Variants in RTF2 observed in about 807,000 individuals in gnomAD.
The protein encoded by RTF2 is UPF0549 protein C20orf43.
In RTF2, 18 loss-of-function variants were observed where a neutral mutation model predicts 38.0. The ratio of observed to expected loss-of-function variants is 0.47; its 90% confidence interval spans 0.33 to 0.70. The LOEUF (loss-of-function observed/expected upper bound fraction) is 0.70. Ranked by LOEUF, RTF2 falls within the 30% of genes least tolerant of loss-of-function variation. The pLI is 0.02. For missense variants in RTF2, 311 were observed against 379.6 expected, an observed-to-expected ratio of 0.82 and a Z score of 1.50; for synonymous variants, 126 against 137.1, an observed-to-expected ratio of 0.92 and a Z score of 0.57.
In RTF2 at chr20:56,518,441, AG is replaced by A. The variant is rs529883637; in HGVS notation, c.*182del. On this transcript the variant is annotated 3_prime_UTR_variant, in exon 9 of 9. Transcript: ENST00000357348. The stretch of plus-strand genomic sequence containing the variant: ...TCTTGATGTGAGGCGTGTCGGTTCC[AG>A]GGGGGACATGGGAGGGGCTGCACAG... The A allele has an allele frequency of 3.5e-4, 209 of 592,804 alleles. No homozygotes were observed. In the South Asian group the frequency reaches 5.1e-3, roughly 15 times the overall value. 36.7% of individuals were successfully genotyped at this position (592,804 alleles called of 1,614,324 possible). A position where few individuals can be genotyped will look rare whatever the true frequency, so the allele number is the denominator to read the frequency against.
chr20:56,494,175 C>G (rs1456542940), intron 5 of RTF2, among the ~76,000 whole-genome samples: 1 of 152,216 alleles, frequency 6.6e-6, no homozygotes, highest in African/African-American at 2.4e-5. Flanking sequence ...GAATGCTGGC[C>G]ATGGATGGCC....
chr20:56,485,779 C>T (rs1982766039), intron 5 of RTF2, among the ~76,000 whole-genome samples: 1 of 152,142 alleles, frequency 6.6e-6, no homozygotes, highest in African/African-American at 2.4e-5. Flanking sequence ...GGCATAGATT[C>T]CAAGGGAAAA....
intron 2 of RTF2, among the ~76,000 whole-genome samples, chr20:56,474,082 T>A (rs1982110591): frequency 6.6e-6 from 1 of 152,092 alleles, no homozygotes; most frequent in Non-Finnish European, 1.5e-5. Flanking sequence ...TTAATTTTTT[T>A]AAAAAAAGAA....
chr20:56,479,080 T>C (rs1982397083), intron 4 of RTF2, among the ~76,000 whole-genome samples: 1 of 152,190 alleles, frequency 6.6e-6, no homozygotes, highest in East Asian at 1.9e-4. Flanking sequence ...CTCTTGCCAT[T>C]CTACCACATT....
chr20:56,486,862 G>A (rs771853181), intron 5 of RTF2, among the ~76,000 whole-genome samples: 1 of 152,064 alleles, frequency 6.6e-6, no homozygotes, highest in South Asian at 2.1e-4. Context: ...AGAAGCAGCC[G>A]GGCAGCCATA....
chr20:56,499,081 C>T (rs990197152), intron 5 of RTF2, among the ~76,000 whole-genome samples: 4 of 152,086 alleles, frequency 2.6e-5, no homozygotes, highest in African/African-American at 7.2e-5. Flanking sequence ...CAGCCACTGC[C>T]GAGGTATGTC....
intron 5 of RTF2, among the ~76,000 whole-genome samples, chr20:56,484,609 C>T (rs1982691012): frequency 6.6e-6 from 1 of 152,216 alleles, no homozygotes; most frequent in South Asian, 2.1e-4. Context: ...CCCCACCGGA[C>T]TTAGTTTTTG....
chr20:56,487,138 G>A (rs1982838391), intron 5 of RTF2, among the ~76,000 whole-genome samples: 1 of 152,152 alleles, frequency 6.6e-6, no homozygotes, highest in Non-Finnish European at 1.5e-5. Flanking sequence ...GTGCACAGTT[G>A]TCCTTTGCGT....
chr20:56,499,029 C>T (rs763291891), intron 5 of RTF2, among the ~76,000 whole-genome samples: 1 of 152,088 alleles, frequency 6.6e-6, no homozygotes, highest in South Asian at 2.1e-4. Context: ...TTATTTTCAT[C>T]GTACAGTTTA....
intron 8 of RTF2, 130 bp downstream of exon 8, chr20:56,517,331 A>T: frequency 2.8e-6 from 2 of 704,730 alleles, no homozygotes; most frequent in Non-Finnish European, 4.9e-6. Flanking sequence ...TAGAGAGTGC[A>T]CTGAACTCTC....
In RTF2 at chr20:56,473,369, A is replaced by G. The variant is rs2146314398; in HGVS notation, c.138A>G (p.Arg46=). ...CTCTAAGTCAGGAAATATTAAGACG[A>G]CCAATAGTTGCCTGTGAACTTGGCA... ...YCTLSQEILR[R]PIVACELGRL... The change falls in exon 2 of 9, where the codon CGA becomes CGG. Residue 46 remains arginine, a synonymous_variant. Coordinates refer to ENST00000357348, the MANE Select transcript of RTF2 (RefSeq NM_016407.5). 2 of 1,613,336 alleles carry G rather than the reference A, an allele frequency of 1.2e-6. No homozygotes were observed. The highest frequency in any genetic ancestry group is 1.7e-6 in the Non-Finnish European group (2 of 1,179,328).
intron 1 of RTF2, chr20:56,471,788 A>T (rs1981985505): frequency 6.6e-6 from 1 of 152,224 alleles, no homozygotes; most frequent in Non-Finnish European, 1.5e-5. Flanking sequence ...AATATAACCT[A>T]ATCTCTTGGT....
At position 56,517,150 on chromosome 20, in the gene RTF2, G is replaced by T; in HGVS notation, c.691G>T (p.Ala231Ser). Reference sequence around the variant, plus strand: ...AGTTAAGACAGGGAAGCCTGAAGAAGCCAGCCTTGATTCTAGAGAGAAGAA... The same window carrying T: ...AGTTAAGACAGGGAAGCCTGAAGAATCCAGCCTTGATTCTAGAGAGAAGAA... The part of the protein sequence containing the change: ...SKVKTGKPEE[A>S]SLDSREKKTN... Residue 231 changes from alanine (A) to serine (S), a missense_variant, in exon 8 of 9, where the codon GCC becomes TCC. Ala to Ser is a moderately conservative substitution (Grantham distance 99). Coordinates refer to ENST00000357348, the MANE Select transcript of RTF2 (RefSeq NM_016407.5). 2.5e-6 allele frequency: 4 copies of T among 1,614,178 alleles called. No individual in the cohort carries two copies. The highest frequency in any genetic ancestry group is 3.4e-6 in the Non-Finnish European group (4 of 1,180,032).
At chr20:56,492,938 G>T (rs2146339390) in intron 5 of RTF2, among the ~76,000 whole-genome samples, 1 of 152,246 alleles carries the variant, frequency 6.6e-6, no homozygotes, top group South Asian at 2.1e-4. Flanking sequence ...AGCACTTTGG[G>T]AGGCCGAGGC....
At chr20:56,484,838 G>A (rs554392515) in intron 5 of RTF2, among the ~76,000 whole-genome samples, 25 of 152,268 alleles carry the variant, frequency 1.6e-4, no homozygotes, top group Admixed American at 1.1e-3. Context: ...CTGGCCCATC[G>A]AAAGCGTGCT....
chr20:56,491,659 C>CT (rs1568699165), intron 5 of RTF2: 4 of 1,552,154 alleles, frequency 2.6e-6, no homozygotes, highest in Non-Finnish European at 8.7e-7. Flanking sequence ...TGTGCCGCCG[C>CT]TCTAAGCAGG....
Position 56,513,446 on chromosome 20 carries a change from G to T in RTF2, c.591+18G>T. 1 of 1,564,006 alleles carries T rather than the reference G, an allele frequency of 6.4e-7. No individual in the cohort carries two copies. Reference sequence around the variant, plus strand: ...TGGAAAAGGTAATGGGAGTCTTCAGGTTCCGCCCAGCCCCCATCTCTGCTC... The same window carrying T: ...TGGAAAAGGTAATGGGAGTCTTCAGTTTCCGCCCAGCCCCCATCTCTGCTC... On this transcript the variant is annotated intron_variant, in intron 6 of 8. Transcript: ENST00000357348.
At chr20:56,517,251 C>T in intron 8 of RTF2, 50 bp downstream of exon 8, 1 of 1,486,048 alleles carries the variant, frequency 6.7e-7, no homozygotes, top group Non-Finnish European at 9.3e-7. Context: ...GCTGGAAACC[C>T]AGGTGGCCGA....
At chr20:56,498,531 A>G (rs1983709494) in intron 5 of RTF2, among the ~76,000 whole-genome samples, 1 of 152,202 alleles carries the variant, frequency 6.6e-6, no homozygotes. Flanking sequence ...TTTTTAGGAA[A>G]GATGTCATAG....
Sources: allele counts gnomAD v4.1 joint callset (sites outside exome capture counted in the v4.1 genomes callset), GRCh38; gene constraint gnomAD v4.1.1; transcripts MANE v1.5; gene names NCBI Gene and HGNC (gene_info 2026-07-23, HGNC 2026-07-21).